Variants in SLC39A11 observed in about 807,000 individuals in gnomAD.
SLC39A11 encodes the protein solute carrier family 39 member 11, also known as zinc transporter ZIP11.
Under a neutral mutation model 36.1 loss-of-function variants are expected in SLC39A11, and 33 were observed. That is an observed-to-expected ratio of 0.91 (90% CI 0.69 to 1.22). The LOEUF (loss-of-function observed/expected upper bound fraction) is 1.22, where lower values mean the gene tolerates loss of function less well. SLC39A11 is among the 50% of genes most tolerant of loss of function. The pLI is 0.00. For synonymous variants in SLC39A11, 166 were observed against 170.3 expected (o/e 0.97, Z 0.20); for missense variants, 432 against 430.3 (o/e 1.00, Z -0.03).
intron 5 of SLC39A11, among the ~76,000 whole-genome samples, chr17:72,882,415 C>T (rs951436466): frequency 6.6e-6 from 1 of 150,556 alleles, no homozygotes; most frequent in Admixed American, 6.6e-5. Context: ...ACACACCACA[C>T]GCATGCACAA....
chr17:73,019,784 T>G (rs1045887131), intron 4 of SLC39A11, among the ~76,000 whole-genome samples: 1 of 152,184 alleles, frequency 6.6e-6, no homozygotes, highest in African/African-American at 2.4e-5. Context: ...TCAGTAATTA[T>G]ATTAAATATA....
chr17:72,939,177 T>A (rs748628949), intron 5 of SLC39A11, among the ~76,000 whole-genome samples: 2 of 152,016 alleles, frequency 1.3e-5, no homozygotes, highest in Non-Finnish European at 2.9e-5. Flanking sequence ...TGACCTTACC[T>A]AGGCAGGGCG....
At chr17:73,076,711 C>G (rs2060331261) in intron 3 of SLC39A11, among the ~76,000 whole-genome samples, 1 of 152,154 alleles carries the variant, frequency 6.6e-6, no homozygotes, top group Non-Finnish European at 1.5e-5. Context: ...CTACGTGTGC[C>G]TAATACAATT....
chr17:73,047,988 AAAATATATATATATAT>A (rs2059365701), intron 3 of SLC39A11, among the ~76,000 whole-genome samples: 1 of 45,854 alleles, frequency 2.2e-5, no homozygotes, highest in East Asian at 5.8e-4. Context: ...AAAAAAAAAA[AAAATATATATATATAT>A]ATATATATAT....
chr17:72,745,947 T>C (rs1029124389), intron 6 of SLC39A11, among the ~76,000 whole-genome samples: 8 of 152,228 alleles, frequency 5.3e-5, no homozygotes, highest in African/African-American at 1.9e-4. Context: ...TGGGATGGCT[T>C]ATTCATTTCC....
In SLC39A11 at chr17:72,726,636, A is replaced by T. The variant is rs116656619; in HGVS notation, c.671+10014T>A. Among the ~76,000 whole-genome samples the T allele has an allele frequency of 3.0e-3, 458 of 152,350 alleles. 3 individuals are homozygous for T. The highest frequency in any genetic ancestry group is 0.01 in the African/African-American group (435 of 41,578). On this transcript the variant is annotated intron_variant, in intron 7 of 9. Transcript: ENST00000255559. The stretch of plus-strand genomic sequence containing the variant: ...CATGCTCATCTACTAGCTAATGTTG[A>T]TGAATGACCAGGAAAATATGTCAAA...
chr17:72,972,667 A>G (rs1476447476), intron 4 of SLC39A11, among the ~76,000 whole-genome samples: 1 of 151,918 alleles, frequency 6.6e-6, no homozygotes, highest in Non-Finnish European at 1.5e-5. Flanking sequence ...GTTCTTCTCT[A>G]TTTGCCAAAC....
intron 7 of SLC39A11, among the ~76,000 whole-genome samples, chr17:72,671,735 A>G (rs11077621): frequency 0.23 from 35,575 of 151,978 alleles, 4,288 homozygotes; most frequent in South Asian, 0.32. Flanking sequence ...AAAAATAGCT[A>G]TATTTGTTTC....
chr17:72,862,204 T>C (rs542475848), intron 5 of SLC39A11, among the ~76,000 whole-genome samples: 1 of 152,228 alleles, frequency 6.6e-6, no homozygotes, highest in East Asian at 1.9e-4. Context: ...CCACACAGAC[T>C]CCCAGTGCAG....
intron 7 of SLC39A11, among the ~76,000 whole-genome samples, chr17:72,735,284 A>G (rs2074378738): frequency 6.6e-6 from 1 of 152,150 alleles, no homozygotes; most frequent in Non-Finnish European, 1.5e-5. Context: ...TTTAACACAC[A>G]GGGGCTCCAT....
chr17:72,966,757 G>A (rs2147993526), intron 4 of SLC39A11, among the ~76,000 whole-genome samples: 1 of 152,256 alleles, frequency 6.6e-6, no homozygotes, highest in East Asian at 1.9e-4. Flanking sequence ...TTTTAGTAGA[G>A]AGGGGGTTTC....
chr17:72,683,814 G>A (rs1271303183), intron 7 of SLC39A11, among the ~76,000 whole-genome samples: 5 of 151,866 alleles, frequency 3.3e-5, no homozygotes, highest in Non-Finnish European at 7.4e-5. Flanking sequence ...GAGAGAGCTG[G>A]GAATCCTGGG....
chr17:72,721,968 C>CAA (rs11399362), intron 7 of SLC39A11, among the ~76,000 whole-genome samples: 32,594 of 104,614 alleles, frequency 0.31, 5,718 homozygotes, highest in Admixed American at 0.43. Flanking sequence ...GCCTCCATCT[C>CAA]AAAAAAAAAA....
intron 4 of SLC39A11, among the ~76,000 whole-genome samples, chr17:73,013,609 C>T (rs1007846725): frequency 4.6e-5 from 7 of 152,270 alleles, no homozygotes; most frequent in East Asian, 1.9e-4. Flanking sequence ...CCACGGCCCA[C>T]GGGCAGCAGG....
intron 6 of SLC39A11, among the ~76,000 whole-genome samples, chr17:72,783,333 A>T (rs1345213330): frequency 3.9e-5 from 6 of 152,236 alleles, no homozygotes; most frequent in African/African-American, 1.4e-4. Context: ...TGAGACAACC[A>T]GGCAGGGAGC....
intron 5 of SLC39A11, among the ~76,000 whole-genome samples, chr17:72,883,223 T>C (rs1236574021): frequency 2.6e-5 from 4 of 152,198 alleles, no homozygotes; most frequent in African/African-American, 9.7e-5. Context: ...GCCAAGTCCA[T>C]ATTCTACGCA....
Position 72,876,610 on chromosome 17 carries a change from A to G in SLC39A11, c.431-26806T>C, listed in dbSNP as rs747970393. Among the ~76,000 whole-genome samples, 73 of 152,256 alleles carry G rather than the reference A, an allele frequency of 4.8e-4. 1 individual carries two copies. The highest frequency in any genetic ancestry group is 9.3e-4 in the Non-Finnish European group (63 of 68,016). On this transcript the variant is annotated intron_variant, in intron 5 of 9. Coordinates refer to ENST00000255559, the MANE Select transcript of SLC39A11 (RefSeq NM_139177.4). The stretch of plus-strand genomic sequence containing the variant: ...AGTATCATGGAGCTGAAACTTACCA[A>G]TCACTGCATCTGGACAATGAAACCC...
intron 6 of SLC39A11, among the ~76,000 whole-genome samples, chr17:72,822,888 T>C (rs367910355): frequency 1.5e-4 from 22 of 151,122 alleles, no homozygotes; most frequent in African/African-American, 3.1e-4. Context: ...CTAATTTTTT[T>C]ATTTTTTGTT....
intron 3 of SLC39A11, among the ~76,000 whole-genome samples, chr17:73,052,983 G>A (rs2143970611): frequency 6.6e-6 from 1 of 152,332 alleles, no homozygotes; most frequent in East Asian, 1.9e-4. Flanking sequence ...TTATAGGCAT[G>A]AGCCACTGAG....
Sources: allele counts gnomAD v4.1 joint callset (sites outside exome capture counted in the v4.1 genomes callset), GRCh38; gene constraint gnomAD v4.1.1; transcripts MANE v1.5; gene names NCBI Gene and HGNC (gene_info 2026-07-23, HGNC 2026-07-21).